Variants in DNAJB11 observed in about 807,000 individuals in gnomAD.
DNAJB11 encodes DnaJ heat shock protein family (Hsp40) member B11.
In DNAJB11, 30 loss-of-function variants were observed where a neutral mutation model predicts 47.2. The observed-to-expected ratio is 0.64, with a 90% confidence interval of 0.48 to 0.86. The LOEUF (loss-of-function observed/expected upper bound fraction) is 0.86. Among genes scored for constraint, DNAJB11 ranks in the 40% least tolerant of loss-of-function variants. The pLI is 0.00. For missense variants in DNAJB11, 357 were observed against 440.2 expected, an observed-to-expected ratio of 0.81 and a Z score of 1.69; for synonymous variants, 151 against 159.9, an observed-to-expected ratio of 0.94 and a Z score of 0.42.
intron 4 of DNAJB11, chr3:186,579,924 TG>T (rs1354379784): frequency 1.3e-5 from 2 of 152,246 alleles, no homozygotes; most frequent in African/African-American, 4.8e-5. Flanking sequence ...CCTGTGCATA[TG>T]TGCCATCTTG....
Position 186,577,662 on chromosome 3 carries a change from C to A in DNAJB11, c.324-6C>A. ...TTTTTCCTGATGATTTTGCACTTAT[C>A]TTTAGCTTCTTTGGGGATTTTGGTT... On this transcript the variant is annotated splice_region_variant and splice_polypyrimidine_tract_variant and intron_variant, in intron 3 of 9. Transcript: ENST00000265028. 2 of 1,518,620 alleles carry A rather than the reference C, an allele frequency of 1.3e-6. No homozygotes were observed. The highest frequency in any genetic ancestry group is 1.8e-6 in the Non-Finnish European group (2 of 1,135,804). 94.1% of individuals were successfully genotyped at this position (1,518,620 alleles called of 1,614,324 possible).
At chr3:186,574,705 A>AT in intron 2 of DNAJB11, among the ~76,000 whole-genome samples, 1 of 152,178 alleles carries the variant, frequency 6.6e-6, no homozygotes, top group African/African-American at 2.4e-5. Context: ...ATGTTAATAC[A>AT]TTTTTGCCAT....
rs559408174 is a variant in DNAJB11, at chr3:186,585,501, C to T, written c.*93C>T. ...TTGTGTGTGTTTTTGTTTTTATTTT[C>T]AATATGCAAGTTAGGCTTAATTTTT... On this transcript the variant is annotated 3_prime_UTR_variant, in exon 10 of 10. Transcript: ENST00000265028. The T allele has an allele frequency of 1.8e-5, 17 of 939,000 alleles. No homozygotes were observed. The highest frequency in any genetic ancestry group is 1.6e-6 in the Non-Finnish European group (1 of 619,704). 58.2% of individuals were successfully genotyped at this position (939,000 alleles called of 1,614,324 possible). A position where few individuals can be genotyped will look rare whatever the true frequency, so the allele number is the denominator to read the frequency against.
At position 186,577,754 on chromosome 3, in the gene DNAJB11, A is replaced by T; in HGVS notation, c.410A>T (p.Asp137Val). The change falls in exon 4 of 10, where the codon GAT becomes GTT. Residue 137 changes from aspartate (D) to valine (V), a missense_variant. By Grantham distance (152) the Asp-to-Val change is radical. Transcript: ENST00000265028. ...CCAAGAGGAAGTGATATTATTGTAG[A>T]TCTAGAAGTCACTTTGGAAGAAGTA... ...NIPRGSDIIV[D>V]LEVTLEEVYA... 6.2e-7 allele frequency: 1 copy of T among 1,609,002 alleles called. No individual in the cohort carries two copies. The highest frequency in any genetic ancestry group is 1.3e-5 in the African/African-American group (1 of 74,800).
At chr3:186,574,931 TATA>T (rs1450780537) in intron 2 of DNAJB11, among the ~76,000 whole-genome samples, 1 of 152,216 alleles carries the variant, frequency 6.6e-6, no homozygotes, top group East Asian at 1.9e-4. Context: ...TTCACAAGTA[TATA>T]TGTGCATATA....
In DNAJB11 at chr3:186,572,395, G is replaced by A. The variant is rs144066064; in HGVS notation, c.225+144G>A. On this transcript the variant is annotated intron_variant, in intron 2 of 9. Coordinates refer to ENST00000265028, the MANE Select transcript of DNAJB11 (RefSeq NM_016306.6). ...GAGTCTCTATTGCCTAGGCTGGAGT[G>A]CAGTGGTGCAATCTCCGCTCACTGC... is the stretch of plus-strand genomic sequence containing the variant. The A allele has an allele frequency of 4.0e-3, 3,301 of 830,356 alleles. 84 individuals carry two copies. In the African/African-American group the frequency reaches 0.051, roughly 13 times the overall value. 51.4% of individuals were successfully genotyped at this position (830,356 alleles called of 1,614,324 possible). A position where few individuals can be genotyped will look rare whatever the true frequency, so the allele number is the denominator to read the frequency against.
chr3:186,573,298 A>C (rs1715149569), intron 2 of DNAJB11, among the ~76,000 whole-genome samples: 1 of 152,234 alleles, frequency 6.6e-6, no homozygotes, highest in Admixed American at 6.5e-5. Context: ...AATGGAATTG[A>C]AACAGTGAGT....
At chr3:186,572,623 G>C (rs1423473386) in intron 2 of DNAJB11, among the ~76,000 whole-genome samples, 1 of 152,210 alleles carries the variant, frequency 6.6e-6, no homozygotes, top group Non-Finnish European at 1.5e-5. Flanking sequence ...CAGTTTGGGA[G>C]CTAGAACCAA....
chr3:186,580,613 T>A (rs980068763), intron 4 of DNAJB11: 3 of 152,256 alleles, frequency 2.0e-5, no homozygotes, highest in Non-Finnish European at 4.4e-5. Flanking sequence ...TTACTGTTAT[T>A]GTTGCTATAA....
intron 1 of DNAJB11, 57 bp downstream of exon 1, chr3:186,571,022 T>TGG: frequency 2.4e-5 from 5 of 208,312 alleles, no homozygotes; most frequent in South Asian, 8.5e-5. Flanking sequence ...TGCTGGGGGG[T>TGG]GGGAGGGGGT....
chr3:186,572,296 T>G, intron 2 of DNAJB11, 45 bp downstream of exon 2: 6 of 1,542,888 alleles, frequency 3.9e-6, no homozygotes, highest in Non-Finnish European at 5.3e-6. Flanking sequence ...TCTGTAGCTC[T>G]AGAAAAAACA....
intron 6 of DNAJB11, 91 bp from the exon 7 acceptor site, chr3:186,582,625 G>A: frequency 1.9e-6 from 2 of 1,048,120 alleles, no homozygotes; most frequent in Non-Finnish European, 2.9e-6. Context: ...AATGCCCAAA[G>A]TAGTGGATTA....
chr3:186,584,033 T>G, intron 8 of DNAJB11, 57 bp downstream of exon 8: 2 of 1,251,476 alleles, frequency 1.6e-6, no homozygotes, highest in Non-Finnish European at 2.3e-6. Context: ...GTGGGTAGTT[T>G]TGAGATGTAT....
intron 2 of DNAJB11, among the ~76,000 whole-genome samples, chr3:186,572,489 A>G (rs1715117045): frequency 6.6e-6 from 1 of 152,116 alleles, no homozygotes; most frequent in African/African-American, 2.4e-5. Flanking sequence ...TTACAGGTGC[A>G]TGCCACCACA....
At chr3:186,571,037 G>GGGGGGC in intron 1 of DNAJB11, 72 bp downstream of exon 1, 11 of 940,402 alleles carry the variant, frequency 1.2e-5, no homozygotes, top group East Asian at 6.7e-5. Context: ...GGGGGTGGGG[G>GGGGGGC]AAGTGGCATT....
At chr3:186,576,298 C>A (rs1029026120) in intron 3 of DNAJB11, among the ~76,000 whole-genome samples, 2 of 152,170 alleles carry the variant, frequency 1.3e-5, no homozygotes, top group African/African-American at 4.8e-5. Context: ...ATTCCTGCTC[C>A]CATACCCAGA....
intron 6 of DNAJB11, 141 bp from the exon 7 acceptor site, chr3:186,582,575 C>G: frequency 1.5e-6 from 1 of 672,438 alleles, no homozygotes; most frequent in East Asian, 2.7e-5. Context: ...AAACTTGATA[C>G]AACCAGGCAG....
chr3:186,580,087 T>C (rs1174830460), intron 4 of DNAJB11: 2 of 152,284 alleles, frequency 1.3e-5, no homozygotes, highest in East Asian at 3.9e-4. Flanking sequence ...GTGAGGTTGT[T>C]TAGATGGGAG....
chr3:186,575,906 C>A lies in DNAJB11; in HGVS notation c.292C>A (p.His98Asn), dbSNP rs962770755. The change falls in exon 3 of 10, where the codon CAT becomes AAT. Residue 98 changes from histidine to asparagine, a missense_variant. Transcript: ENST00000265028. ...TGGTGAAGAAGGATTAAAAGATGGT[C>A]ATCAGAGCTCCCATGGAGACATTTT... ...TYGEEGLKDG[H>N]QSSHGDIFSH... 1.9e-6 allele frequency: 3 copies of A among 1,613,832 alleles called. No individual in the cohort carries two copies. The South Asian group carries it at 3.3e-5, about 18-fold the overall frequency.
Sources: gnomAD v4.1 joint callset for allele counts (sites outside exome capture counted in the v4.1 genomes callset) on GRCh38, gnomAD v4.1.1 for gene constraint, MANE v1.5 for transcripts, NCBI Gene and HGNC (gene_info 2026-07-23, HGNC 2026-07-21) for gene names.